The following BRMS1 variants were observed in gnomAD, a reference collection of about 807,000 sequenced individuals.
BRMS1 encodes the protein BRMS1 transcriptional repressor and anoikis regulator.
Under a neutral mutation model 40.4 loss-of-function variants are expected in BRMS1, and 26 were observed. The ratio of observed to expected loss-of-function variants is 0.64; its 90% CI spans 0.47 to 0.89. BRMS1 has a LOEUF of 0.89. Ranked by LOEUF, BRMS1 falls within the 40% of genes least tolerant of loss-of-function variation. The probability of loss-of-function intolerance (pLI) is 0.00; values close to 1 mark genes in which losing one functional copy is unlikely to be tolerated. For missense variants in BRMS1, 289 were observed against 309.4 expected (o/e 0.93, Z 0.49); for synonymous variants, 103 against 116.0 (o/e 0.89, Z 0.72).
chr11:66,337,753 C>G lies in BRMS1; in HGVS notation c.*129G>C. 6.2e-7 allele frequency: 1 copy of G among 1,613,106 alleles called. No individual in the cohort carries two copies. The highest frequency in any genetic ancestry group is 8.5e-7 in the Non-Finnish European group (1 of 1,179,776). On this transcript the variant is annotated 3_prime_UTR_variant, in exon 10 of 10. Transcript: ENST00000359957. Reference sequence around the variant, plus strand: ...TGCCAGATGGAGTGGGAGGGCCCAGCAGCACCACAGGAGCCTGGCTGGGCA... The same window carrying G: ...TGCCAGATGGAGTGGGAGGGCCCAGGAGCACCACAGGAGCCTGGCTGGGCA...
chr11:66,341,228 G>C lies in BRMS1; in HGVS notation c.336C>G (p.Leu112=). ...TEPLGGLQRS[L]KIRIQVAGIY... ...GACCTGCCACCTGAATGCGAATCTT[G>C]AGGCTCCGCTGCAGCCCCCCAAGGG... Residue 112 remains leucine (L), a synonymous_variant, in exon 4 of 10, where the codon CTC becomes CTG. Coordinates refer to ENST00000359957, the MANE Select transcript of BRMS1 (RefSeq NM_015399.4). This position sits in a 1 kb window ranked among gnomAD's most constrained non-coding sequence, Gnocchi z 4.9. 1.2e-6 allele frequency: 2 copies of C among 1,612,626 alleles called. No individual in the cohort carries two copies. Among genetic ancestry groups the C allele is most frequent in the Non-Finnish European group, 1.7e-6 (2 of 1,178,858 alleles).
chr11:66,337,816 G>A lies in BRMS1; in HGVS notation c.*66C>T, dbSNP rs553081936. ...CCTGTGGGTCCGCCTGTCTGCAGGA[G>A]GAAGACGAGAATCCTGGGTGCAGTG... On this transcript the variant is annotated 3_prime_UTR_variant, in exon 10 of 10. Transcript: ENST00000359957. The A allele has an allele frequency of 1.9e-6, 3 of 1,614,158 alleles. No individual in the cohort carries two copies. The highest frequency in any genetic ancestry group is 2.2e-5 in the South Asian group (2 of 91,088).
chr11:66,337,876 G>T lies in BRMS1; in HGVS notation c.*6C>A. On this transcript the variant is annotated 3_prime_UTR_variant, in exon 10 of 10. Transcript: ENST00000359957. ...CTGAGGGTCCCCCTGGCTGTGAACAGCAGGGTCAAGGTCCTGTGCATATGT... is the reference window on the plus strand; with the variant it reads ...CTGAGGGTCCCCCTGGCTGTGAACATCAGGGTCAAGGTCCTGTGCATATGT... 1 of 1,613,906 alleles carries T rather than the reference G, an allele frequency of 6.2e-7. No homozygotes were observed. The highest frequency in any genetic ancestry group is 8.5e-7 in the Non-Finnish European group (1 of 1,179,866).
intron 1 of BRMS1, among the ~76,000 whole-genome samples, chr11:66,342,666 A>G (rs1855113929): frequency 6.6e-6 from 1 of 152,218 alleles, no homozygotes; most frequent in Admixed American, 6.5e-5. Flanking sequence ...TCCTGGGTTC[A>G]AGCGATTCTC....
At chr11:66,344,677 G>A (rs1855163369) in intron 1 of BRMS1, 1 of 152,328 alleles carries the variant, frequency 6.6e-6, no homozygotes, top group South Asian at 2.1e-4. Flanking sequence ...ACTGTAAAGC[G>A]CTGTACACAG....
At chr11:66,344,043 T>G (rs2134969785) in intron 1 of BRMS1, among the ~76,000 whole-genome samples, 1 of 152,324 alleles carries the variant, frequency 6.6e-6, no homozygotes, top group South Asian at 2.1e-4. Context: ...TTGTAGTCCT[T>G]TAGAACAGTG....
intron 6 of BRMS1, 72 bp from the exon 7 acceptor site, chr11:66,340,285 C>G: frequency 7.3e-7 from 1 of 1,366,706 alleles, no homozygotes; most frequent in East Asian, 2.3e-5. Context: ...GCCTCTGCCT[C>G]CACCATGGGC....
rs950175427 is a variant in BRMS1, at chr11:66,341,851, G to A, written c.140-228C>T. 3.2e-5 allele frequency: 21 copies of A among 662,196 alleles called. No homozygotes were observed. The highest frequency in any genetic ancestry group is 5.5e-5 in the East Asian group (2 of 36,576). The allele number at this position is 662,196 out of a possible 1,614,324, so 41.0% of individuals were successfully genotyped here. On this transcript the variant is annotated intron_variant, in intron 2 of 9. Transcript: ENST00000359957. The surrounding 1 kb of genome is among the most constrained non-coding windows in gnomAD (Gnocchi z 4.9). ...GCTTGTGTGAAGGGGCTGTGTGCAC[G>A]TGTACTTGTGTGAAGGGGCTGTGTG...
Position 66,341,194 on chromosome 11 carries a change from C to G in BRMS1, c.358+12G>C. 3 of 1,611,922 alleles carry G rather than the reference C, an allele frequency of 1.9e-6. No homozygotes were observed. Among genetic ancestry groups the G allele is most frequent in the Non-Finnish European group, 2.5e-6 (3 of 1,178,368 alleles). On this transcript the variant is annotated intron_variant, in intron 4 of 9. Transcript: ENST00000359957. This position sits in a 1 kb window ranked among gnomAD's most constrained non-coding sequence, Gnocchi z 4.9. ...TCTGGGAGGGGAAGAGGGTACAGAACCACCCACAGACCTGCCACCTGAATG... is the reference window on the plus strand; with the variant it reads ...TCTGGGAGGGGAAGAGGGTACAGAAGCACCCACAGACCTGCCACCTGAATG...
rs1047089634 is a variant in BRMS1, at chr11:66,345,023, C to T, written c.-59G>A. On this transcript the variant is annotated 5_prime_UTR_variant, in exon 1 of 10. Coordinates refer to ENST00000359957, the MANE Select transcript of BRMS1 (RefSeq NM_015399.4). ...CGACGGAGATTCCCTGAGAGCTGCC[C>T]GTGGTTGCCGGTACCGGCTGCTGCC... is the stretch of plus-strand genomic sequence containing the variant. 3 of 152,278 alleles carry T rather than the reference C, an allele frequency of 2.0e-5. No homozygotes were observed. Among genetic ancestry groups the T allele is most frequent in the African/African-American group, 7.2e-5 (3 of 41,468 alleles). 9.4% of individuals were successfully genotyped at this position (152,278 alleles called of 1,614,324 possible). A position where few individuals can be genotyped will look rare whatever the true frequency, so the allele number is the denominator to read the frequency against.
At chr11:66,338,182 G>A in intron 9 of BRMS1, 61 bp downstream of exon 9, 1 of 1,590,956 alleles carries the variant, frequency 6.3e-7, no homozygotes, top group South Asian at 1.1e-5. Flanking sequence ...CCTGGAAGCT[G>A]AGCTGAGGAA....
At chr11:66,340,354 T>C (rs1188264218) in intron 6 of BRMS1, 141 bp from the exon 7 acceptor site, 2 of 672,980 alleles carry the variant, frequency 3.0e-6, no homozygotes, top group Admixed American at 2.6e-5. Context: ...AGAAGCCCCT[T>C]AGGGCTGTTC....
intron 6 of BRMS1, among the ~76,000 whole-genome samples, chr11:66,340,519 TTGCATGTGAC>T (rs1306520815): frequency 6.6e-6 from 1 of 152,290 alleles, no homozygotes; most frequent in East Asian, 1.9e-4. Flanking sequence ...ACTAGAGCTA[TTGCATGTGAC>T]TGCATGTCAC....
At chr11:66,338,128 A>G in intron 9 of BRMS1, 115 bp downstream of exon 9, 2 of 1,423,068 alleles carry the variant, frequency 1.4e-6, no homozygotes, top group Admixed American at 2.1e-5. Flanking sequence ...AACTTTCTTG[A>G]GCCACTGATT....
rs368757886 is a variant in BRMS1, at chr11:66,337,905, A to G, written c.734-16T>C. ...GGTCAAGGTCCTGTGCATATGTGGGAAGAAGAAAACTGTCACCAGTTAGGA... is the reference window on the plus strand; with the variant it reads ...GGTCAAGGTCCTGTGCATATGTGGGGAGAAGAAAACTGTCACCAGTTAGGA... On this transcript the variant is annotated splice_polypyrimidine_tract_variant and intron_variant, in intron 9 of 9. Coordinates refer to ENST00000359957, the MANE Select transcript of BRMS1 (RefSeq NM_015399.4). The G allele has an allele frequency of 2.5e-6, 4 of 1,602,196 alleles. No individual in the cohort carries two copies. Among genetic ancestry groups the G allele is most frequent in the Non-Finnish European group, 3.4e-6 (4 of 1,172,016 alleles).
Position 66,337,656 on chromosome 11 carries a change from T to C in BRMS1, c.*226A>G. On this transcript the variant is annotated 3_prime_UTR_variant, in exon 10 of 10. Transcript: ENST00000359957. ...GGCTCAGGGATGGAGACAGCAGCCT[T>C]GCCTGGTCAGGTCAGCTCCACGGCC... The C allele has an allele frequency of 6.5e-7, 1 of 1,542,154 alleles. No homozygotes were observed. The highest frequency in any genetic ancestry group is 8.8e-7 in the Non-Finnish European group (1 of 1,141,834).
intron 7 of BRMS1, chr11:66,339,835 C>G (rs750165244): frequency 3.0e-6 from 1 of 329,086 alleles, no homozygotes; most frequent in African/African-American, 2.1e-5. Context: ...CTCCTGGGCC[C>G]GAGCAATCTA....
chr11:66,341,501 G>C lies in BRMS1; in HGVS notation c.230+32C>G. On this transcript the variant is annotated intron_variant, in intron 3 of 9. Transcript: ENST00000359957. This position sits in a 1 kb window ranked among gnomAD's most constrained non-coding sequence, Gnocchi z 4.9. ...CACCACCTCCTCATCCCAGATCCTC[G>C]CAGACCCAGCCCAAGGTGTCCCCAC... 1 of 1,610,636 alleles carries C rather than the reference G, an allele frequency of 6.2e-7. No individual in the cohort carries two copies. Among genetic ancestry groups the C allele is most frequent in the Non-Finnish European group, 8.5e-7 (1 of 1,177,164 alleles).
rs1854942806 is a variant in BRMS1, at chr11:66,337,514, CCT to C, written c.*366_*367del. The stretch of plus-strand genomic sequence containing the variant: ...GCACAGTGGAAACTGGCTCCCTGGC[CCT>C]GAGGCCGGACAGCCTGCATCCAACA... On this transcript the variant is annotated 3_prime_UTR_variant, in exon 10 of 10. Coordinates refer to ENST00000359957, the MANE Select transcript of BRMS1 (RefSeq NM_015399.4). 1 of 659,866 alleles carries C rather than the reference CCT, an allele frequency of 1.5e-6. No homozygotes were observed. The highest frequency in any genetic ancestry group is 2.9e-5 in the Admixed American group (1 of 34,114). The allele number at this position is 659,866 out of a possible 1,614,324, so 40.9% of individuals were successfully genotyped here.
Sources: gnomAD v4.1 joint callset for allele counts (sites outside exome capture counted in the v4.1 genomes callset) on GRCh38, gnomAD v4.1.1 for gene constraint, Gnocchi (gnomAD v3.1) non-coding constraint, MANE v1.5 for transcripts, NCBI Gene and HGNC (gene_info 2026-07-23, HGNC 2026-07-21) for gene names.